RARS2: variants seen among roughly 807,000 people sequenced by gnomAD.
RARS2 encodes probable arginine--tRNA ligase, mitochondrial.
RARS2 carries 67 observed loss-of-function variants against 88.5 expected under a neutral mutation model. The observed-to-expected ratio is 0.76, with a 90% CI of 0.62 to 0.93. RARS2 has a LOEUF of 0.93. Among genes scored for constraint, RARS2 ranks in the 40% least tolerant of loss-of-function variants. The pLI is 0.00. For missense variants in RARS2, 664 were observed against 684.2 expected (o/e 0.97, Z 0.33); for synonymous variants, 239 against 230.3 (o/e 1.04, Z -0.34).
At chr6:87,576,740 TA>T (rs1243681472) in intron 1 of RARS2, among the ~76,000 whole-genome samples, 2 of 152,182 alleles carry the variant, frequency 1.3e-5, no homozygotes, top group Admixed American at 6.5e-5. Flanking sequence ...ATATTTCAAT[TA>T]AAAAAGAGAA....
At chr6:87,549,939 T>A (rs1306076958) in intron 5 of RARS2, among the ~76,000 whole-genome samples, 5 of 152,186 alleles carry the variant, frequency 3.3e-5, no homozygotes, top group Admixed American at 6.5e-5. Context: ...TCATAAGTTT[T>A]TCAATATTTA....
At chr6:87,577,389 T>G (rs1457292851) in intron 1 of RARS2, among the ~76,000 whole-genome samples, 1 of 152,056 alleles carries the variant, frequency 6.6e-6, no homozygotes, top group African/African-American at 2.4e-5. Flanking sequence ...AGACGGCATA[T>G]CTCACCTTTG....
At chr6:87,583,731 A>G (rs1216457089) in intron 1 of RARS2, among the ~76,000 whole-genome samples, 3 of 152,236 alleles carry the variant, frequency 2.0e-5, no homozygotes, top group Non-Finnish European at 4.4e-5. Context: ...AACTCTACAT[A>G]TAGAATACAA....
intron 2 of RARS2, chr6:87,564,706 C>A: frequency 4.1e-6 from 1 of 241,372 alleles, no homozygotes; most frequent in South Asian, 4.4e-5. Context: ...AAATAAAAAA[C>A]AAAATTAAAA....
chr6:87,564,310 G>T, intron 2 of RARS2, 78 bp from the exon 3 acceptor site: 1 of 1,009,298 alleles, frequency 9.9e-7, no homozygotes, highest in Non-Finnish European at 1.5e-6. Context: ...ATCACTATGA[G>T]TTCTCCATTG....
intron 1 of RARS2, among the ~76,000 whole-genome samples, chr6:87,582,380 T>A (rs1773881526): frequency 6.6e-6 from 1 of 152,196 alleles, no homozygotes; most frequent in Admixed American, 6.5e-5. Context: ...TTTTTTCGAA[T>A]GTTTGTGGCC....
At chr6:87,531,108 A>G (rs1407750421) in intron 8 of RARS2, among the ~76,000 whole-genome samples, 166 bp from the exon 9 acceptor site, 3 of 152,204 alleles carry the variant, frequency 2.0e-5, no homozygotes, top group Non-Finnish European at 1.5e-5. Flanking sequence ...GCCCCTGGTG[A>G]AGCATATAGA....
intron 10 of RARS2, among the ~76,000 whole-genome samples, chr6:87,525,785 G>C (rs879632015): frequency 2.0e-5 from 3 of 152,048 alleles, no homozygotes; most frequent in Non-Finnish European, 2.9e-5. Context: ...GACCTCATGT[G>C]ATCCGCGCCC....
At chr6:87,545,037 T>G (rs1782180475) in intron 7 of RARS2, among the ~76,000 whole-genome samples, 1 of 152,116 alleles carries the variant, frequency 6.6e-6, no homozygotes, top group African/African-American at 2.4e-5. Context: ...ACTTCTACAT[T>G]TAACTAATAA....
intron 9 of RARS2, among the ~76,000 whole-genome samples, 174 bp downstream of exon 9, chr6:87,530,610 C>A (rs1777186973): frequency 6.6e-6 from 1 of 152,060 alleles, no homozygotes; most frequent in South Asian, 2.1e-4. Context: ...CCTGACACTG[C>A]TTCAGGATTA....
At chr6:87,539,889 C>G (rs1780380385) in intron 8 of RARS2, among the ~76,000 whole-genome samples, 1 of 151,980 alleles carries the variant, frequency 6.6e-6, no homozygotes, top group South Asian at 2.1e-4. Flanking sequence ...GGGCCTGGAT[C>G]TCATGAAAGA....
chr6:87,541,858 C>A (rs1781081277), intron 8 of RARS2, 60 bp downstream of exon 8: 2 of 1,276,358 alleles, frequency 1.6e-6, no homozygotes, highest in Middle Eastern at 1.8e-4. Context: ...GGATTAAAAA[C>A]ATGTTACTAA....
Position 87,583,987 on chromosome 6 carries a change from G to A in RARS2, c.36+5935C>T, listed in dbSNP as rs192840999. ...GCTTAGTGTTGAGCGACAAATCCTC[G>A]TGGGACTCCAACATTTCTGCGTATG... On this transcript the variant is annotated intron_variant, in intron 1 of 19. Transcript: ENST00000369536. 2.9e-3 allele frequency among the ~76,000 whole-genome samples: 442 copies of A among 152,284 alleles called. 1 individual carries two copies. The highest frequency in any genetic ancestry group is 6.4e-3 in the South Asian group (31 of 4,828).
At position 87,558,311 on chromosome 6, in the gene RARS2, C is replaced by T. The variant is rs546561242; in HGVS notation, c.298-2806G>A. On this transcript the variant is annotated intron_variant, in intron 4 of 19. Coordinates refer to ENST00000369536, the MANE Select transcript of RARS2 (RefSeq NM_020320.5). ...CTACACTGTCTATTTCCACAAACTGCACTACCACTCACCCAACTAACCTAC... is the reference window on the plus strand; with the variant it reads ...CTACACTGTCTATTTCCACAAACTGTACTACCACTCACCCAACTAACCTAC... Among the ~76,000 whole-genome samples the T allele has an allele frequency of 3.3e-5, 5 of 152,272 alleles. No homozygotes were observed. The South Asian group carries it at 6.2e-4, about 19-fold the overall frequency.
At chr6:87,518,498 G>A (rs1772566580) in intron 16 of RARS2, 132 bp downstream of exon 16, 2 of 1,267,034 alleles carry the variant, frequency 1.6e-6, no homozygotes, top group African/African-American at 1.5e-5. Context: ...CCTAAAAGAA[G>A]GTCTACTCTA....
At chr6:87,537,781 C>T (rs930070802) in intron 8 of RARS2, among the ~76,000 whole-genome samples, 4 of 152,098 alleles carry the variant, frequency 2.6e-5, no homozygotes, top group East Asian at 1.9e-4. Flanking sequence ...AGTTTTCCTT[C>T]GAATAAATCA....
In RARS2 at chr6:87,548,607, C is replaced by T; in HGVS notation, c.435G>A (p.Leu145=). Residue 145 remains leucine, a synonymous_variant, in exon 6 of 20, where the codon TTG becomes TTA. Coordinates refer to ENST00000369536, the MANE Select transcript of RARS2 (RefSeq NM_020320.5). The stretch of plus-strand genomic sequence containing the variant: ...AACACTTACCTATGATGGTAGAACG[C>T]AAATGTCCAACATGAAATTTTTTGG... ...NVAKKFHVGH[L]RSTIIGNFIA... The T allele has an allele frequency of 6.2e-7, 1 of 1,613,060 alleles. No individual in the cohort carries two copies. Among genetic ancestry groups the T allele is most frequent in the Admixed American group, 1.7e-5 (1 of 59,968 alleles).
intron 11 of RARS2, among the ~76,000 whole-genome samples, chr6:87,522,766 C>T (rs1171202653): frequency 1.3e-5 from 2 of 152,182 alleles, no homozygotes; most frequent in African/African-American, 4.8e-5. Flanking sequence ...CCTGAGAATA[C>T]AGGCAAGAGC....
chr6:87,521,334 GC>G (rs1447907726), intron 12 of RARS2, 129 bp downstream of exon 12: 3 of 682,982 alleles, frequency 4.4e-6, no homozygotes, highest in Non-Finnish European at 7.5e-6. Flanking sequence ...AATAGAAGTT[GC>G]CCACTTTAAA....
Sources: gnomAD v4.1 joint callset for allele counts (sites outside exome capture counted in the v4.1 genomes callset) on GRCh38, gnomAD v4.1.1 for gene constraint, MANE v1.5 for transcripts, NCBI Gene and HGNC (gene_info 2026-07-23, HGNC 2026-07-21) for gene names.